The following TDG variants were observed in gnomAD, a reference collection of about 807,000 sequenced individuals.
TDG encodes G/T mismatch-specific thymine DNA glycosylase.
TDG carries 23 observed loss-of-function variants against 46.1 expected under a neutral mutation model. The observed-to-expected ratio is 0.50, with a 90% CI of 0.36 to 0.71. The LOEUF is 0.71. Among genes scored for constraint, TDG ranks in the 30% least tolerant of loss-of-function variants. TDG has a pLI of 0.00. For synonymous variants in TDG, 115 were observed against 161.3 expected, an observed-to-expected ratio of 0.71 and a Z score of 2.18; for missense variants, 304 against 486.7, an observed-to-expected ratio of 0.62 and a Z score of 3.53.
intron 1 of TDG, among the ~76,000 whole-genome samples, chr12:103,971,888 T>G (rs927068409): frequency 6.6e-6 from 1 of 152,178 alleles, no homozygotes; most frequent in Non-Finnish European, 1.5e-5. Flanking sequence ...ATTCCTCATT[T>G]TCATGGTGAG....
intron 1 of TDG, among the ~76,000 whole-genome samples, chr12:103,972,397 G>A (rs553234177): frequency 6.6e-6 from 1 of 152,188 alleles, no homozygotes; most frequent in Non-Finnish European, 1.5e-5. Context: ...GATTACAGGC[G>A]TGAGCCACTG....
At chr12:103,975,182 T>C (rs986113140) in intron 1 of TDG, among the ~76,000 whole-genome samples, 3 of 152,202 alleles carry the variant, frequency 2.0e-5, no homozygotes, top group Non-Finnish European at 2.9e-5. Context: ...AGATAGTGGT[T>C]TAAGGCCATG....
intron 2 of TDG, among the ~76,000 whole-genome samples, chr12:103,978,841 T>C (rs1365923280): frequency 2.0e-5 from 3 of 152,142 alleles, no homozygotes; most frequent in Admixed American, 6.5e-5. Context: ...TGGGTAGAGA[T>C]CAGGGGTGCT....
chr12:103,985,008 T>C (rs28570436), intron 8 of TDG, 88 bp downstream of exon 8: 2 of 1,118,436 alleles, frequency 1.8e-6, no homozygotes, highest in East Asian at 6.4e-5. Flanking sequence ...TATACATATA[T>C]ACATATACAC....
intron 1 of TDG, among the ~76,000 whole-genome samples, chr12:103,974,114 G>A (rs959578026): frequency 1.3e-5 from 2 of 152,086 alleles, no homozygotes; most frequent in South Asian, 2.1e-4. Flanking sequence ...TAGCCCAGCC[G>A]CTGGGGGTGG....
At chr12:103,967,667 G>A (rs940941296) in intron 1 of TDG, among the ~76,000 whole-genome samples, 1 of 151,956 alleles carries the variant, frequency 6.6e-6, no homozygotes, top group Admixed American at 6.6e-5. Flanking sequence ...ATGTTGGCCA[G>A]GCTGGTCTTG....
rs1034849569 is a variant in TDG, at chr12:103,966,201, G to C, written c.23+141G>C. ...GGGCCGCGCGTGCGCACTGTGGCCT[G>C]GTCGGCCTTTCCTTCCCTGGCTGCG... On this transcript the variant is annotated intron_variant, in intron 1 of 9. Transcript: ENST00000392872. 4 of 1,208,830 alleles carry C rather than the reference G, an allele frequency of 3.3e-6. No homozygotes were observed. The East Asian group carries it at 9.1e-5, about 27-fold the overall frequency. 74.9% of individuals were successfully genotyped at this position (1,208,830 alleles called of 1,614,324 possible).
intron 1 of TDG, among the ~76,000 whole-genome samples, chr12:103,975,058 TCTA>T (rs1399507176): frequency 6.6e-6 from 1 of 152,124 alleles, no homozygotes; most frequent in African/African-American, 2.4e-5. Flanking sequence ...CATTTTATTT[TCTA>T]CTGTTTTTCT....
At position 103,967,456 on chromosome 12, in the gene TDG, CTT is replaced by C. The variant is rs35778626; in HGVS notation, c.23+1414_23+1415del. On this transcript the variant is annotated intron_variant, in intron 1 of 9. Coordinates refer to ENST00000392872, the MANE Select transcript of TDG (RefSeq NM_003211.6). ...TGGGATGTGAAAAAAAATAAATTTA[CTT>C]TTTTTTTTTTTTTTTTTGAGACAGA... Among the ~76,000 whole-genome samples the C allele has an allele frequency of 1.1e-3, 130 of 121,306 alleles. 1 individual carries two copies. The South Asian group carries it at 0.014, about 13-fold the overall frequency. The allele number at this position is 121,306 out of a possible 152,430, so 79.6% of individuals were successfully genotyped here.
rs1464032403 is a variant in TDG at position 103,965,903 on chromosome 12, A to C, written c.-135A>C. The C allele has an allele frequency of 2.1e-4, 292 of 1,374,210 alleles. No homozygotes were observed. The highest frequency in any genetic ancestry group is 3.5e-4 in the Admixed American group (14 of 40,262). 85.1% of individuals were successfully genotyped at this position (1,374,210 alleles called of 1,614,324 possible). Reference sequence around the variant, plus strand: ...CTGGAGGAGGAGCTTGAGTCCAGCCACTGTCTGGGTACTGCCAGCCATCGG... The same window carrying C: ...CTGGAGGAGGAGCTTGAGTCCAGCCCCTGTCTGGGTACTGCCAGCCATCGG... On this transcript the variant is annotated 5_prime_UTR_variant, in exon 1 of 10. Coordinates refer to ENST00000392872, the MANE Select transcript of TDG (RefSeq NM_003211.6).
intron 1 of TDG, 88 bp downstream of exon 1, chr12:103,966,148 T>C: frequency 7.2e-7 from 1 of 1,395,378 alleles, no homozygotes; most frequent in Non-Finnish European, 9.4e-7. Context: ...CAGGGGTCTT[T>C]TAAATCCCGG....
Position 103,979,748 on chromosome 12 carries a change from C to A in TDG, c.167-83C>A. ...TTTGGGGAGACAGGTACAAAAGGTGCTAGTTGGGTAACTTTTCTGGGAAAG... is the reference window on the plus strand; with the variant it reads ...TTTGGGGAGACAGGTACAAAAGGTGATAGTTGGGTAACTTTTCTGGGAAAG... On this transcript the variant is annotated intron_variant, in intron 2 of 9. Coordinates refer to ENST00000392872, the MANE Select transcript of TDG (RefSeq NM_003211.6). 3.4e-6 allele frequency: 5 copies of A among 1,489,954 alleles called. No individual in the cohort carries two copies. In the South Asian group the frequency reaches 5.7e-5, roughly 17 times the overall value. The allele number at this position is 1,489,954 out of a possible 1,614,324, so 92.3% of individuals were successfully genotyped here. A position where few individuals can be genotyped will look rare whatever the true frequency, so the allele number is the denominator to read the frequency against.
rs758786997 is a variant in TDG at position 103,985,587 on chromosome 12, T to G, written c.965-16T>G. ...TGTACAAAATCAGATTTAAATCCTT[T>G]TTACCTTCCTCACAGAGGATGCAAA... On this transcript the variant is annotated splice_polypyrimidine_tract_variant and intron_variant, in intron 8 of 9. Transcript: ENST00000392872. 1 of 1,161,462 alleles carries G rather than the reference T, an allele frequency of 8.6e-7. No homozygotes were observed. Among genetic ancestry groups the G allele is most frequent in the Non-Finnish European group, 1.1e-6 (1 of 928,896 alleles). 71.9% of individuals were successfully genotyped at this position (1,161,462 alleles called of 1,614,324 possible). A position where few individuals can be genotyped will look rare whatever the true frequency, so the allele number is the denominator to read the frequency against.
intron 1 of TDG, among the ~76,000 whole-genome samples, chr12:103,968,149 A>C (rs1871138987): frequency 6.6e-6 from 1 of 152,174 alleles, no homozygotes; most frequent in Admixed American, 6.5e-5. Flanking sequence ...ATGGCAAAAT[A>C]GTTCAGGAGT....
At position 103,988,062 on chromosome 12, in the gene TDG, A is replaced by G. The variant is rs1872272069; in HGVS notation, c.*972A>G. ...AAGCCAATAATTTTAAAGATTCTTT[A>G]TCTGCATCATTGCTGTTTGTTACTA... On this transcript the variant is annotated 3_prime_UTR_variant, in exon 10 of 10. Transcript: ENST00000392872. 6.5e-6 allele frequency: 1 copy of G among 152,734 alleles called. No homozygotes were observed. Among genetic ancestry groups the G allele is most frequent in the Non-Finnish European group, 1.5e-5 (1 of 68,060 alleles). The allele number at this position is 152,734 out of a possible 1,614,324, so 9.5% of individuals were successfully genotyped here. A position where few individuals can be genotyped will look rare whatever the true frequency, so the allele number is the denominator to read the frequency against.
At chr12:103,982,741 G>A in intron 4 of TDG, 58 bp from the exon 5 acceptor site, 2 of 1,569,392 alleles carry the variant, frequency 1.3e-6, no homozygotes, top group South Asian at 1.1e-5. Context: ...CTCTAGCCTG[G>A]GTGACAGAGC....
intron 1 of TDG, among the ~76,000 whole-genome samples, chr12:103,972,034 A>C (rs1396028503): frequency 6.6e-6 from 1 of 152,250 alleles, no homozygotes; most frequent in Non-Finnish European, 1.5e-5. Context: ...AAATGTATTT[A>C]AGAAATATCC....
intron 4 of TDG, among the ~76,000 whole-genome samples, chr12:103,981,695 A>G (rs1236730231): frequency 6.6e-6 from 1 of 152,144 alleles, no homozygotes; most frequent in Non-Finnish European, 1.5e-5. Context: ...GTAAAGACTC[A>G]TATTTTTAGA....
intron 4 of TDG, among the ~76,000 whole-genome samples, chr12:103,981,500 G>T (rs1871833593): frequency 6.6e-6 from 1 of 152,026 alleles, no homozygotes; most frequent in Admixed American, 6.6e-5. Flanking sequence ...CTCCCAAAGT[G>T]CTGGGATTAC....
Sources: gnomAD v4.1 joint callset for allele counts (sites outside exome capture counted in the v4.1 genomes callset) on GRCh38, gnomAD v4.1.1 for gene constraint, MANE v1.5 for transcripts, NCBI Gene and HGNC (gene_info 2026-07-23, HGNC 2026-07-21) for gene names.